Variants in ATG2B observed in about 807,000 individuals in gnomAD.
ATG2B encodes the protein autophagy-related protein 2 homolog B.
ATG2B carries 121 observed loss-of-function variants against 241.3 expected under a neutral mutation model. That is an observed-to-expected ratio of 0.50 (90% CI 0.43 to 0.58). The LOEUF is 0.58. Among genes scored for constraint, ATG2B ranks in the 20% least tolerant of loss-of-function variants. The probability of loss-of-function intolerance (pLI) is 0.00; values close to 1 mark genes in which losing one functional copy is unlikely to be tolerated. For synonymous variants in ATG2B, 858 were observed against 876.6 expected (o/e 0.98, Z 0.37); for missense variants, 2,306 against 2,491.6 (o/e 0.93, Z 1.59).
intron 23 of ATG2B, among the ~76,000 whole-genome samples, chr14:96,314,406 G>A (rs1260455848): frequency 6.6e-6 from 1 of 152,172 alleles, no homozygotes; most frequent in Non-Finnish European, 1.5e-5. Flanking sequence ...GGAAATTAAT[G>A]AGAGAAATCC....
In ATG2B at chr14:96,308,267, TATATATATATATATA is replaced by T. The variant is rs1887043096; in HGVS notation, c.4303+1171_4303+1185del. ...ATATATATATACACACATATATATA[TATATATATATATATA>T]TTTTTTTTTTTTTTTTTTTTGAGAC... On this transcript the variant is annotated intron_variant, in intron 29 of 41. Transcript: ENST00000359933. Among the ~76,000 whole-genome samples, 157 of 27,062 alleles carry T rather than the reference TATATATATATATATA, an allele frequency of 5.8e-3. 1 individual carries two copies. The highest frequency in any genetic ancestry group is 0.01 in the African/African-American group (79 of 7,794). 17.8% of individuals were successfully genotyped at this position (27,062 alleles called of 152,430 possible). A position where few individuals can be genotyped will look rare whatever the true frequency, so the allele number is the denominator to read the frequency against.
chr14:96,317,351 A>G (rs1436061082), intron 19 of ATG2B, 34 bp from the exon 20 acceptor site: 1 of 1,545,232 alleles, frequency 6.5e-7, no homozygotes, highest in Non-Finnish European at 8.8e-7. Flanking sequence ...ACATTCTGAT[A>G]GCATATTAAA....
At chr14:96,328,204 G>T in intron 14 of ATG2B, 143 bp downstream of exon 14, 1 of 550,544 alleles carries the variant, frequency 1.8e-6, no homozygotes. Flanking sequence ...CATAAAAGAT[G>T]TCTCCTTTTT....
intron 34 of ATG2B, among the ~76,000 whole-genome samples, chr14:96,297,452 C>T (rs1408550347): frequency 6.6e-6 from 1 of 152,116 alleles, no homozygotes; most frequent in Non-Finnish European, 1.5e-5. Flanking sequence ...GGCTGGAGTG[C>T]AGTGGCACGA....
At chr14:96,338,043 C>A (rs192626705) in intron 6 of ATG2B, among the ~76,000 whole-genome samples, 166 of 151,608 alleles carry the variant, frequency 1.1e-3, no homozygotes, top group Non-Finnish European at 3.7e-4. Flanking sequence ...ATTTTATTTG[C>A]AGCTATTGTA....
chr14:96,345,527 T>C, intron 2 of ATG2B, 142 bp from the exon 3 acceptor site: 1 of 556,464 alleles, frequency 1.8e-6, no homozygotes, highest in East Asian at 3.4e-5. Flanking sequence ...GTAAACAATA[T>C]TCTAGAAAGT....
intron 19 of ATG2B, 62 bp from the exon 20 acceptor site, chr14:96,317,379 A>G: frequency 1.4e-6 from 2 of 1,405,390 alleles, no homozygotes; most frequent in Non-Finnish European, 2.0e-6. Context: ...CATAAAAATG[A>G]TCATGAAAAT....
chr14:96,311,077 G>A (rs372795636), intron 28 of ATG2B, 40 bp downstream of exon 28: 13 of 1,535,168 alleles, frequency 8.5e-6, no homozygotes, highest in African/African-American at 4.2e-5. Flanking sequence ...AACATGTCAC[G>A]ACATGGCAGG....
In ATG2B at chr14:96,328,658, G is replaced by C. The variant is rs773766480; in HGVS notation, c.1974+16C>G. 8.8e-6 allele frequency: 14 copies of C among 1,586,992 alleles called. No homozygotes were observed. Among genetic ancestry groups the C allele is most frequent in the East Asian group, 2.2e-5 (1 of 44,698 alleles). On this transcript the variant is annotated intron_variant, in intron 13 of 41. Transcript: ENST00000359933. ...TTAAAATTTACAGGTGGCAATTATA[G>C]AAAAAGATCTCTTACCTGGGGCCCT...
chr14:96,318,796 C>T (rs1236951565), intron 18 of ATG2B, among the ~76,000 whole-genome samples: 2 of 152,190 alleles, frequency 1.3e-5, no homozygotes, highest in Non-Finnish European at 2.9e-5. Flanking sequence ...AACTTCACCA[C>T]GTCTTCTAGT....
chr14:96,318,063 G>A (rs1445546083), intron 18 of ATG2B, among the ~76,000 whole-genome samples: 2 of 152,136 alleles, frequency 1.3e-5, no homozygotes, highest in African/African-American at 4.8e-5. Flanking sequence ...ATAATGCAGG[G>A]CAGTGACAAA....
At chr14:96,343,051 T>G (rs868127334) in intron 5 of ATG2B, 68 bp downstream of exon 5, 10 of 1,287,444 alleles carry the variant, frequency 7.8e-6, no homozygotes, top group Middle Eastern at 4.0e-4. Context: ...TAGCAAAATT[T>G]AATAGCCCCC....
Position 96,325,761 on chromosome 14 carries a change from A to C in ATG2B, c.2325T>G (p.Leu775=). The change falls in exon 15 of 42, where the codon CTT becomes CTG. Residue 775 remains leucine (L), a synonymous_variant. Transcript: ENST00000359933. ...AGGCTAAATAAAGGATCTCCTTCTG[A>C]AGTGACTTCTTAAACCATGGTCCTC... ...QERGPWFKKS[L]QKEILYLAFT... 1 of 1,614,024 alleles carries C rather than the reference A, an allele frequency of 6.2e-7. No individual in the cohort carries two copies. Among genetic ancestry groups the C allele is most frequent in the Non-Finnish European group, 8.5e-7 (1 of 1,179,964 alleles).
chr14:96,319,836 G>A (rs1328201514), intron 18 of ATG2B, among the ~76,000 whole-genome samples: 2 of 152,158 alleles, frequency 1.3e-5, no homozygotes, highest in East Asian at 3.9e-4. Flanking sequence ...TCTTCTCTGA[G>A]AATGTTTGAA....
intron 17 of ATG2B, 128 bp downstream of exon 17, chr14:96,322,412 C>T: frequency 7.7e-7 from 1 of 1,293,504 alleles, no homozygotes; most frequent in Non-Finnish European, 1.0e-6. Context: ...AGGTATTATT[C>T]AATTTTGAAG....
At chr14:96,294,471 G>A (rs1303546223) in intron 36 of ATG2B, among the ~76,000 whole-genome samples, 3 of 152,220 alleles carry the variant, frequency 2.0e-5, no homozygotes. Flanking sequence ...CAGCACAGCG[G>A]ACCTGGGTCT....
chr14:96,317,936 G>A, intron 18 of ATG2B, 81 bp from the exon 19 acceptor site: 2 of 1,069,472 alleles, frequency 1.9e-6, no homozygotes, highest in African/African-American at 1.6e-5. Flanking sequence ...CCTTTTAAAA[G>A]ATCGTATGAA....
At chr14:96,355,600 T>C (rs1888451757) in intron 1 of ATG2B, among the ~76,000 whole-genome samples, 1 of 152,152 alleles carries the variant, frequency 6.6e-6, no homozygotes, top group Non-Finnish European at 1.5e-5. Context: ...TGAGGTAATA[T>C]ATGTAAAACT....
At chr14:96,308,222 AT>A (rs1887014689) in intron 29 of ATG2B, among the ~76,000 whole-genome samples, 2 of 28,260 alleles carry the variant, frequency 7.1e-5, no homozygotes, top group Admixed American at 4.3e-4. Flanking sequence ...ATACATAAAT[AT>A]ATATATACAT....
Sources: allele counts gnomAD v4.1 joint callset (sites outside exome capture counted in the v4.1 genomes callset), GRCh38; gene constraint gnomAD v4.1.1; transcripts MANE v1.5; gene names NCBI Gene and HGNC (gene_info 2026-07-23, HGNC 2026-07-21).